Variants in SLC24A3 observed in about 807,000 individuals in gnomAD.
SLC24A3 encodes solute carrier family 24 member 3.
Under a neutral mutation model 75.8 loss-of-function variants are expected in SLC24A3, and 28 were observed. That is an observed-to-expected ratio of 0.37 (90% CI 0.27 to 0.51). The LOEUF (loss-of-function observed/expected upper bound fraction) is 0.51, where lower values mean the gene tolerates loss of function less well. Among genes scored for constraint, SLC24A3 ranks in the 20% least tolerant of loss-of-function variants. The pLI is 0.94. For synonymous variants in SLC24A3, 372 were observed against 334.1 expected (o/e 1.11, Z -1.24); for missense variants, 663 against 847.8 (o/e 0.78, Z 2.71).
chr20:19,575,692 C>T (rs1198506067), intron 3 of SLC24A3, among the ~76,000 whole-genome samples: 1 of 152,220 alleles, frequency 6.6e-6, no homozygotes, highest in African/African-American at 2.4e-5. Flanking sequence ...GGGTGAGTTA[C>T]AGCATATCTG....
chr20:19,219,433 C>T (rs557722278), intron 1 of SLC24A3, among the ~76,000 whole-genome samples: 2 of 152,228 alleles, frequency 1.3e-5, no homozygotes, highest in African/African-American at 2.4e-5. Context: ...AGGGTGGCAG[C>T]GTTGTCTTCG....
intron 4 of SLC24A3, among the ~76,000 whole-genome samples, chr20:19,583,756 C>T (rs1410703932): frequency 6.6e-6 from 1 of 152,216 alleles, no homozygotes; most frequent in Admixed American, 6.5e-5. Flanking sequence ...CTCACAGACT[C>T]TTAGCTCCAT....
intron 2 of SLC24A3, among the ~76,000 whole-genome samples, chr20:19,395,748 G>A (rs1429854503): frequency 6.6e-6 from 1 of 152,166 alleles, no homozygotes; most frequent in Non-Finnish European, 1.5e-5. Flanking sequence ...CAGAAAGAGG[G>A]GATCATAGCA....
At chr20:19,308,677 C>T (rs1291042526) in intron 2 of SLC24A3, among the ~76,000 whole-genome samples, 1 of 152,110 alleles carries the variant, frequency 6.6e-6, no homozygotes, top group Non-Finnish European at 1.5e-5. Flanking sequence ...ATTTGCAACT[C>T]GGAATGGAGA....
intron 2 of SLC24A3, among the ~76,000 whole-genome samples, chr20:19,360,115 T>C (rs1202661366): frequency 6.6e-6 from 1 of 152,198 alleles, no homozygotes; most frequent in African/African-American, 2.4e-5. Context: ...GCTAACACCG[T>C]GCTAATAGCA....
intron 1 of SLC24A3, among the ~76,000 whole-genome samples, chr20:19,258,590 T>A (rs546354604): frequency 6.6e-6 from 1 of 152,210 alleles, no homozygotes; most frequent in South Asian, 2.1e-4. Flanking sequence ...TAATCCCGGC[T>A]ACTCGGGAGG....
chr20:19,306,383 C>T (rs1984330453), intron 2 of SLC24A3, among the ~76,000 whole-genome samples: 2 of 151,824 alleles, frequency 1.3e-5, no homozygotes, highest in Non-Finnish European at 1.5e-5. Flanking sequence ...GGTATATAGT[C>T]AAAAGACATA....
chr20:19,681,449 G>A (rs573293874), intron 9 of SLC24A3, among the ~76,000 whole-genome samples: 34 of 152,262 alleles, frequency 2.2e-4, no homozygotes, highest in Middle Eastern at 6.8e-3. Flanking sequence ...CAAAAAGCTG[G>A]TCCCTGATTA....
intron 2 of SLC24A3, among the ~76,000 whole-genome samples, chr20:19,414,831 A>G (rs1331858624): frequency 2.0e-5 from 3 of 152,158 alleles, no homozygotes; most frequent in Non-Finnish European, 4.4e-5. Flanking sequence ...TAACCTGTAA[A>G]TTACATAATG....
rs140595272 is a variant in SLC24A3, at chr20:19,446,319, T to C, written c.272-69169T>C. Reference sequence around the variant, plus strand: ...CTAATATTTACAGATTTAAAAACCATGTAAAAGTCTGAAAATCCAGGTCTC... The same window carrying C: ...CTAATATTTACAGATTTAAAAACCACGTAAAAGTCTGAAAATCCAGGTCTC... On this transcript the variant is annotated intron_variant, in intron 2 of 16. Transcript: ENST00000328041. Among the ~76,000 whole-genome samples, 788 of 152,332 alleles carry C rather than the reference T, an allele frequency of 5.2e-3. 7 individuals are homozygous for C. The highest frequency in any genetic ancestry group is 0.018 in the African/African-American group (758 of 41,580).
chr20:19,605,727 T>C (rs995575379), intron 6 of SLC24A3, among the ~76,000 whole-genome samples: 3 of 152,208 alleles, frequency 2.0e-5, no homozygotes, highest in African/African-American at 7.2e-5. Flanking sequence ...TAAGCTTCAG[T>C]TTTCCCCTTG....
At chr20:19,605,390 C>G (rs2031584140) in intron 6 of SLC24A3, among the ~76,000 whole-genome samples, 1 of 152,224 alleles carries the variant, frequency 6.6e-6, no homozygotes, top group East Asian at 1.9e-4. Flanking sequence ...TTCTACTAAG[C>G]TTTCTCTACG....
At chr20:19,683,035 A>G (rs1313944514) in intron 10 of SLC24A3, among the ~76,000 whole-genome samples, 1 of 152,158 alleles carries the variant, frequency 6.6e-6, no homozygotes, top group Admixed American at 6.5e-5. Context: ...CTTTGCAGGA[A>G]GAAAAAAAAA....
chr20:19,259,415 T>C (rs552301578), intron 1 of SLC24A3, among the ~76,000 whole-genome samples: 2 of 152,340 alleles, frequency 1.3e-5, no homozygotes, highest in East Asian at 3.9e-4. Flanking sequence ...GTTGGCACCA[T>C]GTCACTCTGC....
intron 2 of SLC24A3, among the ~76,000 whole-genome samples, chr20:19,469,255 A>G (rs1987822944): frequency 6.6e-6 from 1 of 152,108 alleles, no homozygotes. Context: ...TAGGAACTGG[A>G]TGACAGGAAC....
At chr20:19,345,483 T>C (rs1985370229) in intron 2 of SLC24A3, among the ~76,000 whole-genome samples, 1 of 152,136 alleles carries the variant, frequency 6.6e-6, no homozygotes, top group Non-Finnish European at 1.5e-5. Flanking sequence ...GGACTGACAC[T>C]ATGAGACTTC....
At chr20:19,573,306 G>A (rs1056672080) in intron 3 of SLC24A3, among the ~76,000 whole-genome samples, 1 of 152,144 alleles carries the variant, frequency 6.6e-6, no homozygotes, top group African/African-American at 2.4e-5. Context: ...TGTTATCTTA[G>A]GTGTTTTTCC....
At chr20:19,418,976 A>C (rs1307146396) in intron 2 of SLC24A3, among the ~76,000 whole-genome samples, 1 of 152,214 alleles carries the variant, frequency 6.6e-6, no homozygotes, top group Non-Finnish European at 1.5e-5. Flanking sequence ...TGCCTAAAAA[A>C]AGAAGTCATT....
At position 19,721,279 on chromosome 20, in the gene SLC24A3, GT is replaced by G; in HGVS notation, c.*140del. Reference sequence around the variant, plus strand: ...TCCTCAGGCCTCCGCTCCTGTTTTGGTGGCCCAGGCTCTCCCCTGACCCATC... The same window carrying G: ...TCCTCAGGCCTCCGCTCCTGTTTTGGGGCCCAGGCTCTCCCCTGACCCATC... On this transcript the variant is annotated 3_prime_UTR_variant, in exon 17 of 17. Coordinates refer to ENST00000328041, the MANE Select transcript of SLC24A3 (RefSeq NM_020689.4). 1 of 1,154,280 alleles carries G rather than the reference GT, an allele frequency of 8.7e-7. No individual in the cohort carries two copies. Among genetic ancestry groups the G allele is most frequent in the Non-Finnish European group, 1.2e-6 (1 of 824,350 alleles). 71.5% of individuals were successfully genotyped at this position (1,154,280 alleles called of 1,614,324 possible).
Sources: allele counts gnomAD v4.1 joint callset (sites outside exome capture counted in the v4.1 genomes callset), GRCh38; gene constraint gnomAD v4.1.1; transcripts MANE v1.5; gene names NCBI Gene and HGNC (gene_info 2026-07-23, HGNC 2026-07-21).